The following KCNIP3 variants were observed in gnomAD, a reference collection of about 807,000 sequenced individuals.
KCNIP3 encodes calsenilin.
Under a neutral mutation model 35.0 loss-of-function variants are expected in KCNIP3, and 28 were observed. The observed-to-expected ratio is 0.80, with a 90% CI of 0.59 to 1.10. The LOEUF is 1.10. KCNIP3 is among the 50% of genes least tolerant of loss of function. The pLI is 0.00. For missense variants in KCNIP3, 295 were observed against 338.4 expected (o/e 0.87, Z 1.01); for synonymous variants, 134 against 133.8 (o/e 1.00, Z -0.01).
At position 95,384,218 on chromosome 2, in the gene KCNIP3, G is replaced by T. The variant is rs1680428032; in HGVS notation, c.*169G>T. 1.7e-6 allele frequency: 1 copy of T among 595,326 alleles called. No homozygotes were observed. Among genetic ancestry groups the T allele is most frequent in the East Asian group, 2.9e-5 (1 of 34,886 alleles). The allele number at this position is 595,326 out of a possible 1,614,324, so 36.9% of individuals were successfully genotyped here. ...CACACACACACACAGCCATTCATCT[G>T]GGCTGGCAGAGGGGACAGAGTTCAG... On this transcript the variant is annotated 3_prime_UTR_variant, in exon 9 of 9. Transcript: ENST00000295225.
chr2:95,359,592 G>A (rs1484939389), intron 2 of KCNIP3, among the ~76,000 whole-genome samples: 3 of 152,210 alleles, frequency 2.0e-5, no homozygotes, highest in Non-Finnish European at 4.4e-5. Flanking sequence ...CCCAGCCCCT[G>A]TGGCTCCACA....
intron 2 of KCNIP3, among the ~76,000 whole-genome samples, chr2:95,331,782 C>T (rs1443357119): frequency 2.0e-5 from 3 of 152,230 alleles, no homozygotes; most frequent in Admixed American, 1.3e-4. Context: ...ACCCACTGGC[C>T]AGGGCAGGTG....
intron 2 of KCNIP3, among the ~76,000 whole-genome samples, chr2:95,360,960 A>T (rs1025867616): frequency 6.6e-6 from 1 of 152,176 alleles, no homozygotes; most frequent in Non-Finnish European, 1.5e-5. Context: ...GGAGACTTTG[A>T]TGGGGAGGAG....
intron 2 of KCNIP3, among the ~76,000 whole-genome samples, chr2:95,365,817 C>T (rs1422920131): frequency 6.6e-6 from 1 of 152,080 alleles, no homozygotes; most frequent in Non-Finnish European, 1.5e-5. Context: ...CCCTATTTCC[C>T]TCCTCCCCAT....
At chr2:95,325,613 G>T (rs958231029) in intron 2 of KCNIP3, among the ~76,000 whole-genome samples, 3 of 149,208 alleles carry the variant, frequency 2.0e-5, no homozygotes, top group Non-Finnish European at 4.5e-5. Flanking sequence ...TCATACACAC[G>T]TACACACACA....
In KCNIP3 at chr2:95,377,678, G is replaced by C. The variant is rs1050544473; in HGVS notation, c.447+2470G>C. Among the ~76,000 whole-genome samples the C allele has an allele frequency of 2.6e-5, 4 of 152,238 alleles. No individual in the cohort carries two copies. Among genetic ancestry groups the C allele is most frequent in the African/African-American group, 9.6e-5 (4 of 41,468 alleles). ...GGAATTTAGAACCAGCGTGCACTCA[G>C]ACATGGGCTGGCTGGACTTGGGGTC... On this transcript the variant is annotated intron_variant, in intron 5 of 8. Transcript: ENST00000295225. The surrounding 1 kb of genome is among the most constrained non-coding windows in gnomAD (Gnocchi z 4.7).
At chr2:95,367,345 T>C (rs933027712) in intron 2 of KCNIP3, among the ~76,000 whole-genome samples, 16 of 152,228 alleles carry the variant, frequency 1.1e-4, no homozygotes, top group African/African-American at 3.9e-4. Context: ...TTATTTTAGC[T>C]ATTCTAGTTC....
intron 2 of KCNIP3, among the ~76,000 whole-genome samples, chr2:95,325,947 TCA>T (rs773382015): frequency 9.6e-5 from 12 of 125,176 alleles, no homozygotes; most frequent in South Asian, 2.6e-4. Flanking sequence ...ACATACACAC[TCA>T]CACATACACA....
At chr2:95,308,984 A>AC (rs1678247639) in intron 1 of KCNIP3, among the ~76,000 whole-genome samples, 1 of 151,912 alleles carries the variant, frequency 6.6e-6, no homozygotes, top group Admixed American at 6.6e-5. Context: ...TGGACAACCC[A>AC]CCCCCTGAGT....
At chr2:95,380,697 C>T (rs991075214) in intron 5 of KCNIP3, among the ~76,000 whole-genome samples, 1 of 152,202 alleles carries the variant, frequency 6.6e-6, no homozygotes, top group African/African-American at 2.4e-5. Context: ...CCACACACAG[C>T]ATGTCATGAC....
intron 2 of KCNIP3, among the ~76,000 whole-genome samples, chr2:95,331,015 A>C (rs1303923013): frequency 6.6e-6 from 1 of 152,100 alleles, no homozygotes; most frequent in African/African-American, 2.4e-5. Flanking sequence ...CCGAGGGGTG[A>C]GGGAGAGTGA....
At chr2:95,339,515 C>A (rs1573499794) in intron 2 of KCNIP3, among the ~76,000 whole-genome samples, 1 of 151,288 alleles carries the variant, frequency 6.6e-6, no homozygotes, top group South Asian at 2.1e-4. Flanking sequence ...ACTCAGGAGG[C>A]GGAGGTCACA....
intron 2 of KCNIP3, among the ~76,000 whole-genome samples, chr2:95,344,360 C>T (rs1242591796): frequency 2.6e-5 from 4 of 152,208 alleles, no homozygotes; most frequent in Admixed American, 6.5e-5. Context: ...AGACCCTCAG[C>T]CCAGCCTCAG....
intron 1 of KCNIP3, among the ~76,000 whole-genome samples, chr2:95,306,697 A>G (rs1345853308): frequency 6.6e-6 from 1 of 152,168 alleles, no homozygotes; most frequent in African/African-American, 2.4e-5. Flanking sequence ...GGGCCTGGCA[A>G]GGAGGCACTG....
intron 2 of KCNIP3, among the ~76,000 whole-genome samples, chr2:95,356,708 A>G (rs542057747): frequency 2.6e-5 from 4 of 152,218 alleles, no homozygotes; most frequent in South Asian, 2.1e-4. Context: ...ATTGGTCTAT[A>G]TATCTATTTT....
Position 95,378,879 on chromosome 2 carries a change from T to C in KCNIP3, c.448-2717T>C, listed in dbSNP as rs1480483855. Among the ~76,000 whole-genome samples, 4 of 144,774 alleles carry C rather than the reference T, an allele frequency of 2.8e-5. No homozygotes were observed. The highest frequency in any genetic ancestry group is 6.0e-5 in the Non-Finnish European group (4 of 67,000). The allele number at this position is 144,774 out of a possible 152,430, so 95.0% of individuals were successfully genotyped here. ...ATACACATATATACACACACACACA[T>C]ATATATACACACACACACATATATA... On this transcript the variant is annotated intron_variant, in intron 5 of 8. Transcript: ENST00000295225. This position sits in a 1 kb window ranked among gnomAD's most constrained non-coding sequence, Gnocchi z 4.0.
chr2:95,371,276 GCT>G (rs1680035843), intron 2 of KCNIP3, among the ~76,000 whole-genome samples: 1 of 152,080 alleles, frequency 6.6e-6, no homozygotes, highest in South Asian at 2.1e-4. Flanking sequence ...ATTTTGATAT[GCT>G]CTGTTTTTTT....
intron 2 of KCNIP3, among the ~76,000 whole-genome samples, chr2:95,361,820 G>A (rs1031680849): frequency 2.6e-5 from 4 of 152,306 alleles, no homozygotes; most frequent in South Asian, 2.1e-4. Flanking sequence ...GAGGAGACCC[G>A]AATCCCTGCT....
At chr2:95,325,554 G>C (rs1214843484) in intron 2 of KCNIP3, among the ~76,000 whole-genome samples, 1 of 152,026 alleles carries the variant, frequency 6.6e-6, no homozygotes, top group Non-Finnish European at 1.5e-5. Flanking sequence ...AAGATGCCCA[G>C]AGCAGGGGGC....
Sources: gnomAD v4.1 joint callset for allele counts (sites outside exome capture counted in the v4.1 genomes callset) on GRCh38, gnomAD v4.1.1 for gene constraint, Gnocchi (gnomAD v3.1) non-coding constraint, MANE v1.5 for transcripts, NCBI Gene and HGNC (gene_info 2026-07-23, HGNC 2026-07-21) for gene names.